The following RAVER2 variants were observed in gnomAD, a reference collection of about 807,000 sequenced individuals.
RAVER2 encodes the protein ribonucleoprotein PTB-binding 2.
In RAVER2, 46 loss-of-function variants were observed where a neutral mutation model predicts 78.1. The ratio of observed to expected loss-of-function variants is 0.59; its 90% confidence interval spans 0.46 to 0.75. The LOEUF (loss-of-function observed/expected upper bound fraction) is 0.75. Ranked by LOEUF, RAVER2 falls within the 30% of genes least tolerant of loss-of-function variation. The pLI, the probability that RAVER2 is intolerant of heterozygous loss-of-function variation, is 0.00. For missense variants in RAVER2, 793 were observed against 837.5 expected (o/e 0.95, Z 0.66); for synonymous variants, 311 against 313.3 (o/e 0.99, Z 0.08).
chr1:64,817,101 A>G (rs536162052), intron 11 of RAVER2, among the ~76,000 whole-genome samples: 1 of 152,240 alleles, frequency 6.6e-6, no homozygotes, highest in Non-Finnish European at 1.5e-5. Flanking sequence ...AAAGATATGA[A>G]CAGACACTTC....
chr1:64,784,645 G>C (rs1393958798), intron 4 of RAVER2, among the ~76,000 whole-genome samples: 1 of 152,052 alleles, frequency 6.6e-6, no homozygotes, highest in African/African-American at 2.4e-5. Flanking sequence ...CCCACTTCAT[G>C]CTATATAAAT....
At chr1:64,759,564 T>C (rs1253362058) in intron 1 of RAVER2, among the ~76,000 whole-genome samples, 4 of 150,026 alleles carry the variant, frequency 2.7e-5, no homozygotes, top group Non-Finnish European at 5.9e-5. Flanking sequence ...ACGCCCAGGC[T>C]GGAGTGCAGT....
rs1651493233 is a variant in RAVER2 at position 64,745,293 on chromosome 1, G to T, written c.121G>T (p.Ala41Ser). 6.8e-7 allele frequency: 1 copy of T among 1,470,440 alleles called. No individual in the cohort carries two copies. The highest frequency in any genetic ancestry group is 2.3e-5 in the Admixed American group (1 of 42,660). 91.1% of individuals were successfully genotyped at this position (1,470,440 alleles called of 1,614,324 possible). The change falls in exon 1 of 12, where the codon GCC (alanine) becomes TCC (serine). Residue 41 changes from alanine to serine, a missense_variant. Transcript: ENST00000294428. The surrounding 1 kb of genome is among the most constrained non-coding windows in gnomAD (Gnocchi z 4.3). Reference sequence around the variant, plus strand: ...CCCCTCAGCCGAAGCGCACGAGGGCGCCCCGGACCCGATGCCCGCCGCGCT... The same window carrying T: ...CCCCTCAGCCGAAGCGCACGAGGGCTCCCCGGACCCGATGCCCGCCGCGCT...
intron 5 of RAVER2, among the ~76,000 whole-genome samples, chr1:64,801,711 A>G (rs527551962): frequency 1.3e-5 from 2 of 152,158 alleles, no homozygotes; most frequent in Non-Finnish European, 1.5e-5. Context: ...CTACTAAAAT[A>G]CAAAAATTAG....
exon 12 of RAVER2, chr1:64,831,787 T>C (rs1039117050): frequency 6.6e-6 from 1 of 152,212 alleles, no homozygotes; most frequent in Non-Finnish European, 1.5e-5. Context: ...ACTTATGACA[T>C]GAAATTTATA....
exon 11 of RAVER2, chr1:64,814,836 C>T (rs771338039): frequency 2.2e-5 from 35 of 1,564,248 alleles, no homozygotes; most frequent in Non-Finnish European, 3.0e-5. Flanking sequence ...GGTGATTATG[C>T]ACAGGTAAAT....
intron 2 of RAVER2, among the ~76,000 whole-genome samples, chr1:64,771,846 T>C (rs1652328722): frequency 6.7e-6 from 1 of 149,376 alleles, no homozygotes; most frequent in African/African-American, 2.5e-5. Context: ...GTGGTGTTCG[T>C]GGAAACAGAT....
At chr1:64,820,909 T>G (rs1022864183) in intron 11 of RAVER2, among the ~76,000 whole-genome samples, 1 of 152,252 alleles carries the variant, frequency 6.6e-6, no homozygotes, top group Admixed American at 6.5e-5. Flanking sequence ...TATATTCCTC[T>G]GGGTATATAC....
chr1:64,777,026 G>C (rs192821998), intron 2 of RAVER2, among the ~76,000 whole-genome samples: 2 of 152,218 alleles, frequency 1.3e-5, no homozygotes, highest in South Asian at 2.1e-4. Flanking sequence ...CATCAAAAGT[G>C]TACCAAATTA....
chr1:64,789,053 T>C (rs1033045060), intron 4 of RAVER2, among the ~76,000 whole-genome samples: 1 of 152,112 alleles, frequency 6.6e-6, no homozygotes, highest in South Asian at 2.1e-4. Flanking sequence ...TTCTGTAGTA[T>C]CAAAGTATCC....
chr1:64,807,527 T>C, intron 9 of RAVER2, 53 bp downstream of exon 9: 1 of 1,449,046 alleles, frequency 6.9e-7, no homozygotes, highest in South Asian at 1.5e-5. Context: ...TATGTATATA[T>C]ATTCCTTTTA....
At chr1:64,764,111 A>T (rs752279284) in intron 1 of RAVER2, among the ~76,000 whole-genome samples, 2 of 152,208 alleles carry the variant, frequency 1.3e-5, no homozygotes, top group Non-Finnish European at 2.9e-5. Context: ...TGAATATTGT[A>T]CAGCAATAAA....
chr1:64,767,792 G>A (rs1201307645), intron 1 of RAVER2, among the ~76,000 whole-genome samples: 3 of 152,038 alleles, frequency 2.0e-5, no homozygotes, highest in African/African-American at 7.2e-5. Flanking sequence ...AGCAATGCAA[G>A]TAGTATATAA....
Position 64,745,110 on chromosome 1 carries a change from G to A in RAVER2, c.-63G>A. The A allele has an allele frequency of 9.9e-7, 1 of 1,015,178 alleles. No homozygotes were observed. The highest frequency in any genetic ancestry group is 1.2e-6 in the Non-Finnish European group (1 of 850,384). The allele number at this position is 1,015,178 out of a possible 1,614,324, so 62.9% of individuals were successfully genotyped here. On this transcript the variant is annotated 5_prime_UTR_variant, in exon 1 of 12. Transcript: ENST00000294428. The surrounding 1 kb of genome is among the most constrained non-coding windows in gnomAD (Gnocchi z 4.3). The stretch of plus-strand genomic sequence containing the variant: ...CTCGCCCTCGCCCGGGCCTCCTCCC[G>A]CTTTCTCTCTCCGCTTCCCCTGGAG...
intron 1 of RAVER2, among the ~76,000 whole-genome samples, chr1:64,762,424 T>C (rs12143404): frequency 0.14 from 20,960 of 150,692 alleles, 1,520 homozygotes; most frequent in East Asian, 0.25. Context: ...TTCTAAAATT[T>C]GTACAGAAAT....
Position 64,745,413 on chromosome 1 carries a change from A to G in RAVER2, c.241A>G (p.Asn81Asp). 2.0e-6 allele frequency: 3 copies of G among 1,531,312 alleles called. No homozygotes were observed. Among genetic ancestry groups the G allele is most frequent in the Non-Finnish European group, 2.6e-6 (3 of 1,135,560 alleles). The allele number at this position is 1,531,312 out of a possible 1,614,324, so 94.9% of individuals were successfully genotyped here. ...GGTGAAAAACCTGCCCCAGGACAGC[A>G]ACTGCCAGGTACTGGGACGGTGATA... is the stretch of plus-strand genomic sequence containing the variant. The change falls in exon 1 of 12, where the codon AAC becomes GAC. Residue 81 changes from asparagine to aspartate, a missense_variant. Asn to Asp is a conservative substitution (Grantham distance 23). Coordinates refer to ENST00000294428, the Ensembl canonical transcript of RAVER2. This position sits in a 1 kb window ranked among gnomAD's most constrained non-coding sequence, Gnocchi z 4.3.
intron 5 of RAVER2, among the ~76,000 whole-genome samples, chr1:64,798,373 G>A (rs375047360): frequency 2.1e-5 from 3 of 140,244 alleles, no homozygotes; most frequent in Non-Finnish European, 3.1e-5. Flanking sequence ...GAATAATGCC[G>A]CAATAAACAT....
At chr1:64,757,444 C>G (rs1265908263) in intron 1 of RAVER2, among the ~76,000 whole-genome samples, 2 of 152,194 alleles carry the variant, frequency 1.3e-5, no homozygotes, top group Non-Finnish European at 2.9e-5. Flanking sequence ...AGAACTTGGT[C>G]TCTCCACTCA....
intron 1 of RAVER2, among the ~76,000 whole-genome samples, chr1:64,746,475 G>A (rs1651541292): frequency 6.6e-6 from 1 of 152,138 alleles, no homozygotes; most frequent in Non-Finnish European, 1.5e-5. Flanking sequence ...TCCTGTAACC[G>A]GATGCATGAA....
Sources: gnomAD v4.1 joint callset for allele counts (sites outside exome capture counted in the v4.1 genomes callset) on GRCh38, gnomAD v4.1.1 for gene constraint, Gnocchi (gnomAD v3.1) non-coding constraint, MANE v1.5 for transcripts, NCBI Gene and HGNC (gene_info 2026-07-23, HGNC 2026-07-21) for gene names.